Variants in SFPQ observed in about 807,000 individuals in gnomAD.
The protein encoded by SFPQ is splicing factor proline and glutamine rich, also known as splicing factor, proline- and glutamine-rich.
A neutral mutation model predicts 72.9 loss-of-function variants in SFPQ; 11 were observed. That is an observed-to-expected ratio of 0.15 (90% confidence interval 0.09 to 0.25). The LOEUF is 0.25. Among genes scored for constraint, SFPQ ranks in the 10% least tolerant of loss-of-function variants. The pLI, the probability that SFPQ is intolerant of heterozygous loss-of-function variation, is 1.00. For synonymous variants in SFPQ, 506 were observed against 367.3 expected, an observed-to-expected ratio of 1.38 and a Z score of -4.32; for missense variants, 847 against 993.3, an observed-to-expected ratio of 0.85 and a Z score of 1.98.
At chr1:35,190,381 T>C (rs79294068) in intron 4 of SFPQ, 117 bp downstream of exon 4, 1 of 677,694 alleles carries the variant, frequency 1.5e-6, no homozygotes, top group Non-Finnish European at 2.6e-6. Flanking sequence ...TTTTTACTAA[T>C]AAGCATATCC....
rs1284686203 is a variant in SFPQ at position 35,184,568 on chromosome 1, C to T, written c.2012G>A (p.Gly671Asp). 1.2e-6 allele frequency: 2 copies of T among 1,604,090 alleles called. No homozygotes were observed. The highest frequency in any genetic ancestry group is 1.7e-6 in the Non-Finnish European group (2 of 1,177,192). ...ACCCTGTCCACCCACAGGCCCCGCACCTCCCTGCCCAAAGCGCTCAGTACG... is the reference window on the plus strand; with the variant it reads ...ACCCTGTCCACCCACAGGCCCCGCATCTCCCTGCCCAAAGCGCTCAGTACG... Reference protein sequence around the residue: ...DMRTERFGQGGAGPVGGQGPR... With the variant: ...DMRTERFGQGDAGPVGGQGPR... Residue 671 changes from glycine (G) to aspartate (D), a missense_variant, in exon 10 of 10, where the codon GGT becomes GAT. By Grantham distance (94) the Gly-to-Asp change is moderately conservative. This residue lies in a region of SFPQ where 154 missense variants were observed against 186.0 expected (regional missense o/e 0.83). Coordinates refer to ENST00000357214, the MANE Select transcript of SFPQ (RefSeq NM_005066.3).
intron 1 of SFPQ, 109 bp downstream of exon 1, chr1:35,192,113 G>A (rs945544354): frequency 3.2e-6 from 3 of 939,572 alleles, no homozygotes; most frequent in Admixed American, 4.4e-5. Context: ...GCGCGCGCAA[G>A]CGCCCCTTCC....
At chr1:35,178,718 T>C (rs1639345770), downstream of SFPQ, 5 of 1,053,900 alleles carry the variant, frequency 4.7e-6, no homozygotes, top group Non-Finnish European at 5.7e-6. Context: ...TCAGCCTTCA[T>C]TCAAGTTCCA....
downstream of SFPQ, chr1:35,182,185 A>G (rs1639495386): frequency 1.0e-6 from 1 of 985,366 alleles, no homozygotes; most frequent in Non-Finnish European, 1.2e-6. Flanking sequence ...ACACACATTC[A>G]AAGTTCACCC....
At chr1:35,180,901 T>C (rs1166066238), downstream of SFPQ, 3 of 985,212 alleles carry the variant, frequency 3.0e-6, no homozygotes, top group African/African-American at 5.2e-5. Flanking sequence ...CTGAGTCAGA[T>C]ATACCAAAGA....
downstream of SFPQ, chr1:35,180,512 AGAG>A: frequency 9.5e-7 from 1 of 1,050,468 alleles, no homozygotes; most frequent in Middle Eastern, 4.3e-4. Context: ...CCCCAGGTTT[AGAG>A]TATAGACACA....
chr1:35,191,065 C>CCTA, intron 2 of SFPQ, 70 bp from the exon 3 acceptor site: 2 of 1,291,844 alleles, frequency 1.5e-6, no homozygotes, highest in South Asian at 2.8e-5. Context: ...TTGTCATAGG[C>CCTA]CTACTTCCTA....
Position 35,191,324 on chromosome 1 carries a change from C to A in SFPQ, c.1017+17G>T. On this transcript the variant is annotated intron_variant, in intron 2 of 9. Transcript: ENST00000357214. ...CACCCTTTTTAATTCTACGTAAAATCAAACAATTACACTCACAAGCTTAAT... is the reference window on the plus strand; with the variant it reads ...CACCCTTTTTAATTCTACGTAAAATAAAACAATTACACTCACAAGCTTAAT... 1.9e-6 allele frequency: 3 copies of A among 1,606,650 alleles called. No individual in the cohort carries two copies. Among genetic ancestry groups the A allele is most frequent in the Middle Eastern group, 1.7e-4 (1 of 5,976 alleles).
chr1:35,183,749 T>G lies in SFPQ; in HGVS notation c.*707A>C, dbSNP rs1639580269. 1.9e-6 allele frequency: 2 copies of G among 1,051,178 alleles called. No individual in the cohort carries two copies. The highest frequency in any genetic ancestry group is 9.2e-5 in the South Asian group (2 of 21,856). The allele number at this position is 1,051,178 out of a possible 1,614,324, so 65.1% of individuals were successfully genotyped here. On this transcript the variant is annotated 3_prime_UTR_variant, in exon 10 of 10. Transcript: ENST00000357214. Reference sequence around the variant, plus strand: ...CAAAAGCTTTCAAGTAAAGGATAGATCATAGGGCCATAAAAGATCCATTTA... The same window carrying G: ...CAAAAGCTTTCAAGTAAAGGATAGAGCATAGGGCCATAAAAGATCCATTTA...
In SFPQ at chr1:35,184,600, G is replaced by T. The variant is rs376581158; in HGVS notation, c.1987-7C>A. On this transcript the variant is annotated splice_region_variant and splice_polypyrimidine_tract_variant and intron_variant, in intron 9 of 9. Transcript: ENST00000357214. ...GCCCAAAGCGCTCAGTACGCTATTGGAACAGTAATTAACAGTTCATTATAA... is the reference window on the plus strand; with the variant it reads ...GCCCAAAGCGCTCAGTACGCTATTGTAACAGTAATTAACAGTTCATTATAA... The T allele has an allele frequency of 2.1e-5, 33 of 1,572,098 alleles. No individual in the cohort carries two copies. The highest frequency in any genetic ancestry group is 2.7e-5 in the Non-Finnish European group (32 of 1,165,650).
intron 4 of SFPQ, 112 bp from the exon 5 acceptor site, chr1:35,189,494 C>T (rs1570132969): frequency 2.6e-6 from 2 of 776,146 alleles, no homozygotes; most frequent in Non-Finnish European, 4.0e-6. Flanking sequence ...GTACAAAAGG[C>T]AAAAATTTTC....
At chr1:35,179,764 T>C, downstream of SFPQ, 1 of 1,054,746 alleles carries the variant, frequency 9.5e-7, no homozygotes, top group Non-Finnish European at 1.1e-6. Flanking sequence ...ATATACCAAG[T>C]ACATTCTCTA....
At chr1:35,188,825 G>A (rs549334798) in intron 6 of SFPQ, among the ~76,000 whole-genome samples, 178 bp downstream of exon 6, 34 of 152,188 alleles carry the variant, frequency 2.2e-4, no homozygotes, top group Non-Finnish European at 3.8e-4. Flanking sequence ...GCCAGGTGTC[G>A]TGGCGCATGC....
chr1:35,192,798 C>CGGT lies in SFPQ; in HGVS notation c.249_251dup (p.Pro84dup). 1.3e-6 allele frequency: 2 copies of CGGT among 1,501,814 alleles called. No individual in the cohort carries two copies. The highest frequency in any genetic ancestry group is 1.8e-6 in the Non-Finnish European group (2 of 1,131,986). 93.0% of individuals were successfully genotyped at this position (1,501,814 alleles called of 1,614,324 possible). On this transcript the variant is annotated inframe_insertion, in exon 1 of 10. Coordinates refer to ENST00000357214, the MANE Select transcript of SFPQ (RefSeq NM_005066.3). ...GCTGTGGATGCGGCGGCGGCTGATG[C>CGGT]GGTGGCGGCTGCTGCGGCGGTGGCT...
Position 35,192,984 on chromosome 1 carries a change from G to A in SFPQ, c.66C>T (p.Gly22=), listed in dbSNP as rs114366853. 4.5e-3 allele frequency: 7,027 copies of A among 1,564,022 alleles called. 266 individuals are homozygous for A. The African/African-American group carries it at 0.083, about 18-fold the overall frequency. Reference sequence around the variant, plus strand: ...AGTCGTGGAGGCCGCCGCGGCCGCCGCCTCCTCCACGCCTGTGGAAGCCAC... The same window carrying A: ...AGTCGTGGAGGCCGCCGCGGCCGCCACCTCCTCCACGCCTGTGGAAGCCAC... ...GGGGFHRRGG[G]GGRGGLHDFR... Residue 22 remains glycine, a synonymous_variant, in exon 1 of 10, where the codon GGC becomes GGT. Transcript: ENST00000357214.
downstream of SFPQ, chr1:35,179,891 C>A (rs893057984): frequency 9.5e-7 from 1 of 1,054,746 alleles, no homozygotes; most frequent in Non-Finnish European, 1.1e-6. Context: ...CAGGAAACCC[C>A]ATCAGGGTTC....
downstream of SFPQ, chr1:35,181,062 T>C (rs1639448392): frequency 9.4e-7 from 1 of 1,064,968 alleles, no homozygotes. Flanking sequence ...TTGTCAGAAA[T>C]GTGATGCCAG....
chr1:35,178,833 T>TCCC (rs1019136312), downstream of SFPQ: 1 of 1,045,708 alleles, frequency 9.6e-7, no homozygotes, highest in African/African-American at 1.7e-5. Context: ...TTTGCATTCT[T>TCCC]CCCCCCATTC....
rs546240304 is a variant in SFPQ, at chr1:35,192,030, G to A, written c.828+192C>T. On this transcript the variant is annotated intron_variant, in intron 1 of 9. Coordinates refer to ENST00000357214, the MANE Select transcript of SFPQ (RefSeq NM_005066.3). ...AACCTCCCCTAGCCTTCCGCCCGCCGGGAGAGCAAGGCCCGGCGGCGGCCA... is the reference window on the plus strand; with the variant it reads ...AACCTCCCCTAGCCTTCCGCCCGCCAGGAGAGCAAGGCCCGGCGGCGGCCA... 1.9e-3 allele frequency among the ~76,000 whole-genome samples: 288 copies of A among 151,980 alleles called. 5 individuals carry two copies. The Middle Eastern group carries it at 0.024, about 13-fold the overall frequency.
Sources: gnomAD v4.1 joint callset for allele counts (sites outside exome capture counted in the v4.1 genomes callset) on GRCh38, gnomAD v4.1.1 for gene constraint, gnomAD v4.1.1 regional missense constraint, MANE v1.5 for transcripts, NCBI Gene and HGNC (gene_info 2026-07-23, HGNC 2026-07-21) for gene names.